Variants in HMCN2 observed in about 807,000 individuals in gnomAD.
HMCN2 encodes hemicentin-2.
HMCN2 carries 325 observed loss-of-function variants against 377.5 expected under a neutral mutation model. That is an observed-to-expected ratio of 0.86 (90% CI 0.79 to 0.94). The LOEUF (loss-of-function observed/expected upper bound fraction) is 0.94, where lower values mean the gene tolerates loss of function less well. Ranked by LOEUF, HMCN2 falls within the 40% of genes least tolerant of loss-of-function variation. The pLI is 0.00. For missense variants in HMCN2, 4,543 were observed against 4,725.3 expected, an observed-to-expected ratio of 0.96 and a Z score of 1.13; for synonymous variants, 2,007 against 2,046.8, an observed-to-expected ratio of 0.98 and a Z score of 0.53.
chr9:130,293,001 C>T (rs199691293), intron 4 of HMCN2, among the ~76,000 whole-genome samples: 2,282 of 62,850 alleles, frequency 0.036, 20 homozygotes, highest in East Asian at 0.13. Flanking sequence ...TATCTATCTA[C>T]CTACCTACCT....
intron 22 of HMCN2, among the ~76,000 whole-genome samples, chr9:130,337,040 GC>G (rs1185905115): frequency 3.3e-5 from 5 of 152,178 alleles, no homozygotes; most frequent in South Asian, 2.1e-4. Context: ...CCACCCCCAT[GC>G]TGGCTGCGTA....
At chr9:130,354,253 C>T (rs998717608) in intron 31 of HMCN2, among the ~76,000 whole-genome samples, 1 of 152,100 alleles carries the variant, frequency 6.6e-6, no homozygotes, top group African/African-American at 2.4e-5. Flanking sequence ...TTTGGCGTGG[C>T]CACCATGGGC....
chr9:130,326,583 TA>T (rs1332621086), intron 21 of HMCN2, among the ~76,000 whole-genome samples: 6,507 of 144,606 alleles, frequency 0.045, 150 homozygotes, highest in Non-Finnish European at 0.064. Context: ...TTTTATATTG[TA>T]AAAAAAAAAA....
rs1335971030 is a variant in HMCN2 at position 130,353,062 on chromosome 9, C to A, written c.4721C>A (p.Pro1574His). The A allele has an allele frequency of 7.7e-7, 1 of 1,304,192 alleles. No homozygotes were observed. The highest frequency in any genetic ancestry group is 1.2e-5 in the South Asian group (1 of 81,008). The allele number at this position is 1,304,192 out of a possible 1,614,324, so 80.8% of individuals were successfully genotyped here. A position where few individuals can be genotyped will look rare whatever the true frequency, so the allele number is the denominator to read the frequency against. The change falls in exon 31 of 98, where the codon CCC becomes CAC. Residue 1574 changes from proline to histidine, a missense_variant. Around this residue, in one of 5 missense-constraint regions of HMCN2, gnomAD observed 1,032 missense variants for 1,285.1 expected, o/e 0.80. Coordinates refer to ENST00000683500, the MANE Select transcript of HMCN2 (RefSeq NM_001291815.2). ...ITWFKDGALLPTSTKVVYTRG... is the reference protein window; with the variant it reads ...ITWFKDGALLHTSTKVVYTRG... ...TGGTTCAAGGACGGGGCCCTGCTCC[C>A]CACCAGCACCAAGGTGGTCTACACT...
At chr9:130,353,296 G>A (rs1564807611) in intron 31 of HMCN2, 91 bp downstream of exon 31, 4 of 1,185,888 alleles carry the variant, frequency 3.4e-6, no homozygotes, top group Non-Finnish European at 3.3e-6. Context: ...AAGGCTAGGT[G>A]GCCACTTGGA....
At chr9:130,400,591 G>GA (rs1229925772) in intron 76 of HMCN2, 192 bp from the exon 77 acceptor site, 71 of 232,336 alleles carry the variant, frequency 3.1e-4, no homozygotes, top group Non-Finnish European at 4.8e-4. Flanking sequence ...TTTTTTTAAA[G>GA]AAAAAAAACT....
At chr9:130,331,184 A>G (rs995435826) in intron 22 of HMCN2, among the ~76,000 whole-genome samples, 4 of 151,514 alleles carry the variant, frequency 2.6e-5, no homozygotes, top group Non-Finnish European at 4.4e-5. Context: ...ACAAAGTAAC[A>G]TTCCAGGGCG....
intron 96 of HMCN2, 81 bp from the exon 97 acceptor site, chr9:130,432,348 A>G (rs571713031): frequency 7.5e-7 from 1 of 1,327,458 alleles, no homozygotes; most frequent in Non-Finnish European, 1.1e-6. Flanking sequence ...CCCCAAAGGT[A>G]CTTCTCCCCA....
chr9:130,300,310 T>C (rs1554933923), intron 8 of HMCN2, among the ~76,000 whole-genome samples: 1 of 152,252 alleles, frequency 6.6e-6, no homozygotes, highest in East Asian at 1.9e-4. Context: ...AGCATTCATT[T>C]TGAGTATCTA....
intron 32 of HMCN2, 44 bp downstream of exon 32, chr9:130,355,088 G>C (rs757969246): frequency 8.1e-7 from 1 of 1,227,446 alleles, no homozygotes; most frequent in South Asian, 1.4e-5. Context: ...GGCTGTGGAC[G>C]TCTGCCCAGG....
At position 130,352,948 on chromosome 9, in the gene HMCN2, C is replaced by G. The variant is rs1366813350; in HGVS notation, c.4607C>G (p.Ser1536Cys). 1.5e-6 allele frequency: 2 copies of G among 1,294,298 alleles called. No homozygotes were observed. The highest frequency in any genetic ancestry group is 2.0e-6 in the Non-Finnish European group (2 of 983,280). 80.2% of individuals were successfully genotyped at this position (1,294,298 alleles called of 1,614,324 possible). A position where few individuals can be genotyped will look rare whatever the true frequency, so the allele number is the denominator to read the frequency against. Residue 1536 changes from serine (S) to cysteine (C), a missense_variant, in exon 31 of 98, where the codon TCC (serine) becomes TGC (cysteine). Ser to Cys is a moderately radical substitution (Grantham distance 112). This residue lies in a region of HMCN2 where 1,032 missense variants were observed against 1,285.1 expected (regional missense o/e 0.80). Transcript: ENST00000683500. ...TCAGCGCCCCCCACTATCTGGGGCT[C>G]CAACGAGACAGGCGAGGTGGCCGTC... The part of the protein sequence containing the change: ...RVHAPPTIWG[S>C]NETGEVAVME...
At chr9:130,305,133 T>C in intron 11 of HMCN2, 131 bp downstream of exon 11, 1 of 370,520 alleles carries the variant, frequency 2.7e-6, no homozygotes. Context: ...TCAGTGTTTT[T>C]TGAACTTTCA....
chr9:130,428,323 T>C lies in HMCN2; in HGVS notation c.14066-35T>C. 8 of 1,502,926 alleles carry C rather than the reference T, an allele frequency of 5.3e-6. No homozygotes were observed. The highest frequency in any genetic ancestry group is 7.1e-6 in the Non-Finnish European group (8 of 1,119,312). 93.1% of individuals were successfully genotyped at this position (1,502,926 alleles called of 1,614,324 possible). ...GGTGGCGAGGCACGCCTGGGGATCA[T>C]GTTCACACAGCCGTCTGCCCTGATC... On this transcript the variant is annotated intron_variant, in intron 92 of 97. Transcript: ENST00000683500. This position sits in a 1 kb window ranked among gnomAD's most constrained non-coding sequence, Gnocchi z 5.0.
chr9:130,330,163 G>A (rs1295448606), intron 22 of HMCN2, among the ~76,000 whole-genome samples: 2 of 151,882 alleles, frequency 1.3e-5, no homozygotes, highest in East Asian at 3.9e-4. Flanking sequence ...CTGGTGAGTC[G>A]TAGGTGCTCA....
chr9:130,403,691 G>C (rs1000027245), intron 79 of HMCN2, 50 bp from the exon 80 acceptor site: 31 of 1,279,784 alleles, frequency 2.4e-5, no homozygotes, highest in Non-Finnish European at 2.9e-5. Context: ...CCACCTCGGG[G>C]GTCCCCAGTC....
intron 54 of HMCN2, among the ~76,000 whole-genome samples, 174 bp downstream of exon 54, chr9:130,379,641 G>A (rs990739999): frequency 6.6e-6 from 1 of 152,236 alleles, no homozygotes; most frequent in East Asian, 1.9e-4. Context: ...TTTGCCTCTG[G>A]TTTATAGAGC....
At chr9:130,346,585 C>T (rs978973848) in intron 25 of HMCN2, among the ~76,000 whole-genome samples, 3 of 152,012 alleles carry the variant, frequency 2.0e-5, no homozygotes, top group Non-Finnish European at 4.4e-5. Context: ...ATTGGGGCCT[C>T]CCACAGGCCC....
At chr9:130,319,251 G>A (rs1837722949) in intron 15 of HMCN2, among the ~76,000 whole-genome samples, 2 of 152,244 alleles carry the variant, frequency 1.3e-5, no homozygotes, top group Admixed American at 6.5e-5. Flanking sequence ...TGCACCTCTG[G>A]GGTAAAGCCA....
intron 14 of HMCN2, among the ~76,000 whole-genome samples, chr9:130,309,638 G>GT (rs1554938173): frequency 4.0e-5 from 6 of 151,172 alleles, no homozygotes; most frequent in Middle Eastern, 3.2e-3. Flanking sequence ...GTGGACACCA[G>GT]CGGGGGGGGT....
Sources: gnomAD v4.1 joint callset for allele counts (sites outside exome capture counted in the v4.1 genomes callset) on GRCh38, gnomAD v4.1.1 for gene constraint, gnomAD v4.1.1 regional missense constraint, Gnocchi (gnomAD v3.1) non-coding constraint, MANE v1.5 for transcripts, NCBI Gene and HGNC (gene_info 2026-07-23, HGNC 2026-07-21) for gene names.